CEP135: variants seen among roughly 807,000 people sequenced by gnomAD.
CEP135 encodes centrosomal protein of 135 kDa.
A neutral mutation model predicts 157.3 loss-of-function variants in CEP135; 142 were observed. The ratio of observed to expected loss-of-function variants is 0.90; its 90% CI spans 0.79 to 1.04. The LOEUF is 1.04. CEP135 is among the 50% of genes least tolerant of loss of function. The pLI, the probability that CEP135 is intolerant of heterozygous loss-of-function variation, is 0.00. For missense variants in CEP135, 1,317 were observed against 1,309.2 expected (o/e 1.01, Z -0.09); for synonymous variants, 396 against 439.8 (o/e 0.90, Z 1.25).
chr4:56,009,981 T>A (rs973261926), intron 19 of CEP135, 78 bp downstream of exon 19: 1 of 1,354,908 alleles, frequency 7.4e-7, no homozygotes, highest in African/African-American at 1.5e-5. Flanking sequence ...AAATATTTTT[T>A]CTAAAATCTG....
chr4:55,970,478 A>G (rs976518045), intron 9 of CEP135, among the ~76,000 whole-genome samples: 2 of 152,224 alleles, frequency 1.3e-5, no homozygotes, highest in African/African-American at 2.4e-5. Context: ...CATTATGTAT[A>G]CTTTTTATAC....
rs771548724 is a variant in CEP135 at position 55,971,224 on chromosome 4, T to C, written c.1111-46T>C. On this transcript the variant is annotated intron_variant, in intron 9 of 25. Transcript: ENST00000257287. ...AAATCTATCTTAAGTGCGATAATAT[T>C]TTATAAAGTTGTTAGAAATCTTAAT... 2.1e-6 allele frequency: 3 copies of C among 1,441,716 alleles called. No individual in the cohort carries two copies. In the South Asian group the frequency reaches 4.1e-5, roughly 19 times the overall value. The allele number at this position is 1,441,716 out of a possible 1,614,324, so 89.3% of individuals were successfully genotyped here. A position where few individuals can be genotyped will look rare whatever the true frequency, so the allele number is the denominator to read the frequency against.
chr4:55,984,549 C>A (rs984218337), intron 13 of CEP135, among the ~76,000 whole-genome samples: 19 of 152,168 alleles, frequency 1.2e-4, no homozygotes, highest in Non-Finnish European at 2.5e-4. Context: ...TTCTTGAGAC[C>A]TTGCTTGGTG....
Position 56,009,908 on chromosome 4 carries a change from G to A in CEP135, c.2505+5G>A, listed in dbSNP as rs1439199805. The A allele has an allele frequency of 1.2e-6, 2 of 1,610,286 alleles. No homozygotes were observed. The highest frequency in any genetic ancestry group is 1.7e-5 in the Admixed American group (1 of 59,088). Reference sequence around the variant, plus strand: ...ACAATGGCAAGAGAAAATCAAGTATGAACACAAGGCATAAATTTTGATAGT... The same window carrying A: ...ACAATGGCAAGAGAAAATCAAGTATAAACACAAGGCATAAATTTTGATAGT... On this transcript the variant is annotated splice_donor_5th_base_variant and intron_variant, in intron 19 of 25. Coordinates refer to ENST00000257287, the MANE Select transcript of CEP135 (RefSeq NM_025009.5).
At position 55,999,169 on chromosome 4, in the gene CEP135, G is replaced by A. The variant is rs992645556; in HGVS notation, c.2010-133G>A. On this transcript the variant is annotated intron_variant, in intron 15 of 25. Transcript: ENST00000257287. ...AATATATAATGCCATAGATTATACT[G>A]GAGGAGCTTTAAAATAAAAAATAGC... 7 of 660,164 alleles carry A rather than the reference G, an allele frequency of 1.1e-5. No homozygotes were observed. In the Admixed American group the frequency reaches 1.5e-4, roughly 14 times the overall value. The allele number at this position is 660,164 out of a possible 1,614,324, so 40.9% of individuals were successfully genotyped here.
At chr4:55,971,495 T>C in intron 10 of CEP135, 87 bp downstream of exon 10, 1 of 1,269,592 alleles carries the variant, frequency 7.9e-7, no homozygotes, top group Non-Finnish European at 1.1e-6. Flanking sequence ...ATTCATTCAT[T>C]CATTCAATAA....
intron 6 of CEP135, among the ~76,000 whole-genome samples, chr4:55,962,160 C>T (rs1430189172): frequency 3.3e-5 from 5 of 151,836 alleles, no homozygotes; most frequent in African/African-American, 9.7e-5. Context: ...AGTGCAGTGG[C>T]GCGATCTCGG....
chr4:56,018,468 AGACTTGAG>A (rs1242784139), intron 22 of CEP135, among the ~76,000 whole-genome samples: 1 of 152,158 alleles, frequency 6.6e-6, no homozygotes, highest in Non-Finnish European at 1.5e-5. Flanking sequence ...TTTAAAAGTA[AGACTTGAG>A]GCCAGGTACG....
At chr4:56,025,598 C>G (rs915256302) in intron 25 of CEP135, among the ~76,000 whole-genome samples, 2 of 152,076 alleles carry the variant, frequency 1.3e-5, no homozygotes, top group African/African-American at 4.8e-5. Context: ...ACGTGAACGT[C>G]AGTCCTCCTG....
At chr4:55,992,205 C>A in intron 15 of CEP135, 120 bp downstream of exon 15, 2 of 851,152 alleles carry the variant, frequency 2.3e-6, no homozygotes, top group Non-Finnish European at 3.5e-6. Context: ...GTTGGCTTTG[C>A]AGTAGACTCA....
chr4:55,966,038 G>A lies in CEP135; in HGVS notation c.1044+179G>A, dbSNP rs539662292. On this transcript the variant is annotated intron_variant, in intron 8 of 25. Coordinates refer to ENST00000257287, the MANE Select transcript of CEP135 (RefSeq NM_025009.5). ...TGTTGTTTACACCCTGTAAATGATT[G>A]TAGTTGTTTTAGTTGTTTGAGTGTC... 10 of 563,510 alleles carry A rather than the reference G, an allele frequency of 1.8e-5. 1 individual carries two copies. Among genetic ancestry groups the A allele is most frequent in the African/African-American group, 1.7e-4 (9 of 53,026 alleles). 34.9% of individuals were successfully genotyped at this position (563,510 alleles called of 1,614,324 possible).
chr4:55,964,009 GA>G (rs1439862864), intron 6 of CEP135, among the ~76,000 whole-genome samples: 1 of 151,816 alleles, frequency 6.6e-6, no homozygotes, highest in African/African-American at 2.4e-5. Context: ...TTAAAGGAGG[GA>G]AAAAAATACA....
At chr4:55,953,407 T>A in intron 3 of CEP135, 132 bp downstream of exon 3, 1 of 616,788 alleles carries the variant, frequency 1.6e-6, no homozygotes, top group Non-Finnish European at 2.5e-6. Context: ...GGTGTGTGCC[T>A]ATAGTCCCAG....
At chr4:55,965,360 A>G (rs1728809119) in intron 7 of CEP135, 2 of 287,316 alleles carry the variant, frequency 7.0e-6, no homozygotes, top group Non-Finnish European at 1.3e-5. Flanking sequence ...ACAGTCTATT[A>G]TCATCTTGAT....
intron 12 of CEP135, 132 bp from the exon 13 acceptor site, chr4:55,981,095 T>A: frequency 1.3e-6 from 1 of 760,462 alleles, no homozygotes; most frequent in Non-Finnish European, 2.0e-6. Context: ...AATCTTTTGT[T>A]GGGATTTGCG....
intron 11 of CEP135, among the ~76,000 whole-genome samples, chr4:55,978,573 G>C (rs1432334815): frequency 6.6e-6 from 1 of 152,176 alleles, no homozygotes; most frequent in Non-Finnish European, 1.5e-5. Context: ...TTCTTTGGGA[G>C]AAAGTCTCAC....
intron 17 of CEP135, among the ~76,000 whole-genome samples, chr4:56,005,296 G>A (rs922170788): frequency 6.6e-6 from 1 of 152,076 alleles, no homozygotes; most frequent in African/African-American, 2.4e-5. Flanking sequence ...CAGCATGGTG[G>A]TACCTGTAGT....
At chr4:55,983,411 C>T (rs1729475354) in intron 13 of CEP135, among the ~76,000 whole-genome samples, 1 of 152,188 alleles carries the variant, frequency 6.6e-6, no homozygotes. Flanking sequence ...TAAACCTTTT[C>T]CAGAGTTTCC....
intron 11 of CEP135, among the ~76,000 whole-genome samples, chr4:55,978,622 C>A (rs1433923873): frequency 3.3e-5 from 5 of 152,202 alleles, no homozygotes; most frequent in African/African-American, 1.2e-4. Flanking sequence ...GCGATCATAG[C>A]TCACTGTAAC....
Sources: gnomAD v4.1 joint callset for allele counts (sites outside exome capture counted in the v4.1 genomes callset) on GRCh38, gnomAD v4.1.1 for gene constraint, MANE v1.5 for transcripts, NCBI Gene and HGNC (gene_info 2026-07-23, HGNC 2026-07-21) for gene names.